ITIH3: variants seen among roughly 807,000 people sequenced by gnomAD.
ITIH3 encodes inter-alpha-trypsin inhibitor heavy chain H3.
Under a neutral mutation model 96.5 loss-of-function variants are expected in ITIH3, and 81 were observed. The observed-to-expected ratio is 0.84, with a 90% CI of 0.70 to 1.01. The LOEUF is 1.01. Among genes scored for constraint, ITIH3 ranks in the 50% least tolerant of loss-of-function variants. The pLI is 0.00. For missense variants in ITIH3, 1,057 were observed against 1,139.3 expected, an observed-to-expected ratio of 0.93 and a Z score of 1.04; for synonymous variants, 422 against 445.2, an observed-to-expected ratio of 0.95 and a Z score of 0.66.
Position 52,807,859 on chromosome 3 carries a change from C to T in ITIH3, c.2374C>T (p.Leu792=). 1 of 1,612,142 alleles carries T rather than the reference C, an allele frequency of 6.2e-7. No individual in the cohort carries two copies. The highest frequency in any genetic ancestry group is 8.5e-7 in the Non-Finnish European group (1 of 1,179,140). ...GAAACATCCTGTCCACCGTGACTTT[C>T]TAGGCTTCTACGTGGTGGACAGTCA... ...WKKHPVHRDF[L]GFYVVDSHRM... is the part of the protein sequence containing the mutation. The change falls in exon 20 of 22, where the codon CTA becomes TTA. Residue 792 remains leucine, a synonymous_variant. Coordinates refer to ENST00000449956, the MANE Select transcript of ITIH3 (RefSeq NM_002217.4).
chr3:52,798,807 C>CG (rs1699694602), intron 6 of ITIH3, 159 bp from the exon 7 acceptor site: 2 of 786,042 alleles, frequency 2.5e-6, no homozygotes, highest in South Asian at 3.6e-5. Context: ...ACGCCACCGG[C>CG]GGGCAGGGCT....
chr3:52,800,904 G>A, intron 10 of ITIH3, 61 bp from the exon 11 acceptor site: 12 of 1,599,628 alleles, frequency 7.5e-6, no homozygotes, highest in Non-Finnish European at 9.4e-6. Context: ...TCCCCAGACA[G>A]AGCTGGTCTA....
In ITIH3 at chr3:52,800,610, C is replaced by A; in HGVS notation, c.1148C>A (p.Pro383Gln). 6.3e-7 allele frequency: 1 copy of A among 1,582,368 alleles called. No individual in the cohort carries two copies. Among genetic ancestry groups the A allele is most frequent in the East Asian group, 2.3e-5 (1 of 43,380 alleles). Residue 383 changes from proline to glutamine, a missense_variant, in exon 10 of 22, where the codon CCA becomes CAA. By Grantham distance (76) the Pro-to-Gln change is moderately conservative (BLOSUM62 -1). Coordinates refer to ENST00000449956, the MANE Select transcript of ITIH3 (RefSeq NM_002217.4). ...AAGGCCCGAGAGGAGCACAGAATCC[C>A]AGAGAGGAGCACCTCCATTGTCATC... ...LNKAREEHRI[P>Q]ERSTSIVIML...
intron 14 of ITIH3, 65 bp downstream of exon 14, chr3:52,804,074 CA>C (rs1442488121): frequency 1.9e-6 from 3 of 1,547,792 alleles, no homozygotes; most frequent in Non-Finnish European, 1.8e-6. Context: ...CCTGGGTGTC[CA>C]GTGGAGGAGT....
chr3:52,804,114 T>C (rs916890227), intron 14 of ITIH3, 105 bp downstream of exon 14: 17 of 1,255,452 alleles, frequency 1.4e-5, no homozygotes, highest in Non-Finnish European at 1.9e-5. Flanking sequence ...CCAGACCTGC[T>C]GAAGTAGGGC....
chr3:52,803,428 C>G (rs971456816), intron 13 of ITIH3, among the ~76,000 whole-genome samples: 2 of 151,582 alleles, frequency 1.3e-5, no homozygotes, highest in Non-Finnish European at 2.9e-5. Flanking sequence ...ACGCCATTCT[C>G]CTGCCTCAGC....
rs868391701 is a variant in ITIH3, at chr3:52,803,983, G to A, written c.1838G>A (p.Arg613Lys). The change falls in exon 14 of 22, where the codon AGG (arginine) becomes AAG (lysine). Residue 613 changes from arginine to lysine, a missense_variant. By Grantham distance (26) the Arg-to-Lys change is conservative (BLOSUM62 2). Coordinates refer to ENST00000449956, the MANE Select transcript of ITIH3 (RefSeq NM_002217.4). ...VTKPEDNEDE[R>K]AIADKPGEDA... ...AAGCCTGAGGACAACGAGGATGAGA[G>A]GGCCATTGCCGACAAGCCTGGGGAA... 4 of 1,613,592 alleles carry A rather than the reference G, an allele frequency of 2.5e-6. No homozygotes were observed. The highest frequency in any genetic ancestry group is 1.6e-4 in the Middle Eastern group (1 of 6,062).
In ITIH3 at chr3:52,807,850, C is replaced by T. The variant is rs533586226; in HGVS notation, c.2365C>T (p.Arg789Cys). ...HQVWKKHPVH[R>C]DFLGFYVVDS... The stretch of plus-strand genomic sequence containing the variant: ...GGTGTGGAAGAAACATCCTGTCCAC[C>T]GTGACTTTCTAGGCTTCTACGTGGT... The change falls in exon 20 of 22, where the codon CGT becomes TGT. Residue 789 changes from arginine to cysteine, a missense_variant. Transcript: ENST00000449956. 46 of 1,611,400 alleles carry T rather than the reference C, an allele frequency of 2.9e-5. No homozygotes were observed. The highest frequency in any genetic ancestry group is 2.0e-4 in the East Asian group (9 of 44,782).
chr3:52,803,610 T>A (rs759530596), intron 13 of ITIH3, among the ~76,000 whole-genome samples: 17 of 152,192 alleles, frequency 1.1e-4, no homozygotes, highest in Non-Finnish European at 2.4e-4. Context: ...TGAGCCACCA[T>A]GCCCGGCCGG....
chr3:52,805,813 C>T lies in ITIH3; in HGVS notation c.1879C>T (p.Pro627Ser). Residue 627 changes from proline to serine, a missense_variant, in exon 16 of 22, where the codon CCG becomes TCG. Coordinates refer to ENST00000449956, the MANE Select transcript of ITIH3 (RefSeq NM_002217.4). The part of the protein sequence containing the change: ...DKPGEDAEAT[P>S]VSPAMSYLTS... The stretch of plus-strand genomic sequence containing the variant: ...ACTGCCCTTCGGCTTTTCAGCCACA[C>T]CGGTGAGCCCCGCCATGTCCTACCT... The T allele has an allele frequency of 6.2e-7, 1 of 1,613,870 alleles. No individual in the cohort carries two copies. The highest frequency in any genetic ancestry group is 8.5e-7 in the Non-Finnish European group (1 of 1,179,798).
chr3:52,800,804 C>CT (rs1204608954), intron 10 of ITIH3, 141 bp downstream of exon 10: 3 of 1,438,348 alleles, frequency 2.1e-6, no homozygotes, highest in Non-Finnish European at 2.8e-6. Context: ...GGGCAGGGTC[C>CT]TGCCTCCCTC....
In ITIH3 at chr3:52,801,108, C is replaced by A. The variant is rs377051203; in HGVS notation, c.1345C>A (p.Arg449Ser). Residue 449 changes from arginine to serine, a missense_variant, in exon 11 of 22, where the codon CGC becomes AGC. Physicochemically the swap from Arg to Ser is moderately radical, Grantham distance 110. Transcript: ENST00000449956. Reference protein sequence around the residue: ...MALENHGFARRIYEDSDADLQ... With the variant: ...MALENHGFARSIYEDSDADLQ... ...CCTGGAGAACCATGGGTTTGCCCGG[C>A]GCATTTATGAGGACTCTGATGCCGA... 6.3e-7 allele frequency: 1 copy of A among 1,598,796 alleles called. No individual in the cohort carries two copies. Among genetic ancestry groups the A allele is most frequent in the East Asian group, 2.2e-5 (1 of 44,800 alleles).
Position 52,807,060 on chromosome 3 carries a change from C to G in ITIH3, c.2216C>G (p.Pro739Arg). 6.3e-7 allele frequency: 1 copy of G among 1,599,232 alleles called. No individual in the cohort carries two copies. The highest frequency in any genetic ancestry group is 8.5e-7 in the Non-Finnish European group (1 of 1,173,172). Reference sequence around the variant, plus strand: ...ATCACCCTGTGGAACAGGGCCGTGCCGAGCACTTTCAGCTGGCTGGACACA... The same window carrying G: ...ATCACCCTGTGGAACAGGGCCGTGCGGAGCACTTTCAGCTGGCTGGACACA... The part of the protein sequence containing the change: ...EKITLWNRAV[P>R]STFSWLDTVT... The change falls in exon 19 of 22, where the codon CCG becomes CGG. Residue 739 changes from proline to arginine, a missense_variant. Transcript: ENST00000449956.
intron 19 of ITIH3, 103 bp from the exon 20 acceptor site, chr3:52,807,644 C>T (rs1052108677): frequency 1.6e-5 from 17 of 1,067,400 alleles, no homozygotes; most frequent in South Asian, 4.8e-5. Flanking sequence ...TGTGGGCCCT[C>T]GGGTGCCATG....
chr3:52,799,372 A>G lies in ITIH3; in HGVS notation c.790A>G (p.Ile264Val). 1 of 1,587,396 alleles carries G rather than the reference A, an allele frequency of 6.3e-7. No homozygotes were observed. Among genetic ancestry groups the G allele is most frequent in the Non-Finnish European group, 8.6e-7 (1 of 1,166,676 alleles). The change falls in exon 8 of 22, where the codon ATA (isoleucine) becomes GTA (valine). Residue 264 changes from isoleucine to valine, a missense_variant and splice_region_variant. By Grantham distance (29) the Ile-to-Val change is conservative. Transcript: ENST00000449956. Reference protein sequence around the residue: ...VNRESPGNVQIVNGYFVHFFA... With the variant: ...VNRESPGNVQVVNGYFVHFFA... ...CTCCGTCCCTCTCCCCACTTTCCAG[A>G]TAGTCAATGGCTACTTCGTGCACTT...
intron 5 of ITIH3, 106 bp downstream of exon 5, chr3:52,797,373 C>T: frequency 8.6e-7 from 1 of 1,159,242 alleles, no homozygotes; most frequent in South Asian, 1.5e-5. Flanking sequence ...TGCCTCACGG[C>T]ATCCCCCATC....
In ITIH3 at chr3:52,807,779, T is replaced by C. The variant is rs1700108992; in HGVS notation, c.2294T>C (p.Val765Ala). 3 of 1,612,088 alleles carry C rather than the reference T, an allele frequency of 1.9e-6. No individual in the cohort carries two copies. The highest frequency in any genetic ancestry group is 1.7e-6 in the Non-Finnish European group (2 of 1,179,168). Residue 765 changes from valine (V) to alanine (A), a missense_variant, in exon 20 of 22, where the codon GTG becomes GCG. Transcript: ENST00000449956. Reference sequence around the variant, plus strand: ...ATGATGATCAACAGGAAGAACATGGTGGTCTCCTTTGGAGATGGGGTTACC... The same window carrying C: ...ATGATGATCAACAGGAAGAACATGGCGGTCTCCTTTGGAGATGGGGTTACC... Reference protein sequence around the residue: ...LSMMINRKNMVVSFGDGVTFV... With the variant: ...LSMMINRKNMAVSFGDGVTFV...
chr3:52,800,820 G>A, intron 10 of ITIH3, 145 bp from the exon 11 acceptor site: 1 of 1,456,444 alleles, frequency 6.9e-7, no homozygotes, highest in Admixed American at 2.0e-5. Context: ...CCCTCTGCCA[G>A]GGCTCTCCAC....
At position 52,805,839 on chromosome 3, in the gene ITIH3, G is replaced by A; in HGVS notation, c.1905G>A (p.Leu635=). 6.2e-7 allele frequency: 1 copy of A among 1,613,778 alleles called. No individual in the cohort carries two copies. The highest frequency in any genetic ancestry group is 1.7e-5 in the Admixed American group (1 of 60,012). Residue 635 remains leucine (L), a splice_region_variant and synonymous_variant, in exon 16 of 22, where the codon CTG becomes CTA. Transcript: ENST00000449956. ...CGGTGAGCCCCGCCATGTCCTACCT[G>A]AGTGAGTACATGCTGGCAGCTGCCA... The part of the protein sequence containing the change: ...ATPVSPAMSY[L]TSYQPPQNPY...
Sources: gnomAD v4.1 joint callset for allele counts (sites outside exome capture counted in the v4.1 genomes callset) on GRCh38, gnomAD v4.1.1 for gene constraint, MANE v1.5 for transcripts, NCBI Gene and HGNC (gene_info 2026-07-23, HGNC 2026-07-21) for gene names.